CACNA1E: variants seen among roughly 807,000 people sequenced by gnomAD.
CACNA1E encodes the protein calcium voltage-gated channel subunit alpha1 E.
A neutral mutation model predicts 259.2 loss-of-function variants in CACNA1E; 40 were observed. The observed-to-expected ratio is 0.15, with a 90% confidence interval of 0.12 to 0.20. CACNA1E has a LOEUF of 0.20. Ranked by LOEUF, CACNA1E falls within the 10% of genes least tolerant of loss-of-function variation. The probability of loss-of-function intolerance (pLI) is 1.00; values close to 1 mark genes in which losing one functional copy is unlikely to be tolerated. For synonymous variants in CACNA1E, 1,104 were observed against 1,138.5 expected, an observed-to-expected ratio of 0.97 and a Z score of 0.61; for missense variants, 1,874 against 3,040.1, an observed-to-expected ratio of 0.62 and a Z score of 9.02.
chr1:181,321,320 G>T lies in CACNA1E; in HGVS notation c.-15+3197G>T, dbSNP rs549968490. Among the ~76,000 whole-genome samples, 3 of 152,280 alleles carry T rather than the reference G, an allele frequency of 2.0e-5. No individual in the cohort carries two copies. The South Asian group carries it at 6.2e-4, about 32-fold the overall frequency. On this transcript the variant is annotated intron_variant, in intron 1 of 11. Coordinates refer to the CACNA1E transcript ENST00000524607. ...CTGGCAACCTAGATCTCACCACAGGGATCTCACCTCTGGATCCCAGTCCAG... is the reference window on the plus strand; with the variant it reads ...CTGGCAACCTAGATCTCACCACAGGTATCTCACCTCTGGATCCCAGTCCAG...
At chr1:181,770,543 T>C (rs1007641953) in intron 35 of CACNA1E, among the ~76,000 whole-genome samples, 2 of 152,238 alleles carry the variant, frequency 1.3e-5, no homozygotes, top group African/African-American at 4.8e-5. Context: ...TTTTCTGTTT[T>C]CCTTTTCAAA....
At chr1:181,464,402 C>A (rs1230728573) in intron 2 of CACNA1E, among the ~76,000 whole-genome samples, 1 of 151,822 alleles carries the variant, frequency 6.6e-6, no homozygotes, top group Non-Finnish European at 1.5e-5. Context: ...CTTAAAGTCC[C>A]TCAAGAGAGT....
intron 1 of CACNA1E, among the ~76,000 whole-genome samples, chr1:181,331,341 G>C (rs1189795657): frequency 6.6e-6 from 1 of 152,144 alleles, no homozygotes; most frequent in Non-Finnish European, 1.5e-5. Flanking sequence ...TTGTAAGCTG[G>C]GAACCCTGAG....
chr1:181,390,302 C>CTTATTTATTTATTTATTTATTTAT (rs58239460), intron 1 of CACNA1E, among the ~76,000 whole-genome samples: 4 of 137,554 alleles, frequency 2.9e-5, no homozygotes, highest in African/African-American at 1.1e-4. Context: ...GAGGAGACAC[C>CTTATTTATTTATTTATTTATTTAT]TTATTTATTT....
chr1:181,643,157 G>A (rs1657953478), intron 6 of CACNA1E, among the ~76,000 whole-genome samples: 1 of 152,132 alleles, frequency 6.6e-6, no homozygotes, highest in African/African-American at 2.4e-5. Context: ...GAGATTTTCA[G>A]TCATGCACAA....
At chr1:181,582,794 C>CA (rs1651669465) in intron 6 of CACNA1E, among the ~76,000 whole-genome samples, 1 of 152,172 alleles carries the variant, frequency 6.6e-6, no homozygotes, top group African/African-American at 2.4e-5. Context: ...CCTCTCTCCC[C>CA]AGTTACCTGT....
chr1:181,442,910 T>C (rs1660588859), intron 2 of CACNA1E, among the ~76,000 whole-genome samples: 1 of 152,180 alleles, frequency 6.6e-6, no homozygotes, highest in South Asian at 2.1e-4. Context: ...AGTCTATCTC[T>C]GCAGACCAGC....
intron 1 of CACNA1E, among the ~76,000 whole-genome samples, chr1:181,398,396 A>C (rs1241460246): frequency 6.6e-6 from 1 of 152,236 alleles, no homozygotes; most frequent in Non-Finnish European, 1.5e-5. Flanking sequence ...TAGGAAGTGC[A>C]TGCTCACACT....
intron 25 of CACNA1E, among the ~76,000 whole-genome samples, chr1:181,741,171 A>G (rs1217366792): frequency 6.6e-6 from 1 of 152,158 alleles, no homozygotes; most frequent in Non-Finnish European, 1.5e-5. Context: ...ATAGGAAAGA[A>G]CCCACCCCAT....
At chr1:181,371,061 C>T (rs771508419) in intron 1 of CACNA1E, among the ~76,000 whole-genome samples, 7 of 152,066 alleles carry the variant, frequency 4.6e-5, no homozygotes, top group African/African-American at 7.2e-5. Context: ...GTTGGCTGCA[C>T]GTATGTCTTC....
At chr1:181,553,847 A>T (rs1558120574) in intron 3 of CACNA1E, among the ~76,000 whole-genome samples, 1 of 152,174 alleles carries the variant, frequency 6.6e-6, no homozygotes, top group East Asian at 1.9e-4. Context: ...TCCCAGGGAT[A>T]AAGCCGACTT....
chr1:181,617,549 T>G (rs1165813256), intron 6 of CACNA1E, among the ~76,000 whole-genome samples: 1 of 152,186 alleles, frequency 6.6e-6, no homozygotes, highest in Non-Finnish European at 1.5e-5. Context: ...ATTTAGCCAG[T>G]CTTCATGCTT....
intron 47 of CACNA1E, among the ~76,000 whole-genome samples, chr1:181,797,418 T>G (rs1475569844): frequency 6.6e-6 from 1 of 152,174 alleles, no homozygotes; most frequent in Non-Finnish European, 1.5e-5. Flanking sequence ...GTCATGGCAT[T>G]TTGACCCATA....
intron 2 of CACNA1E, among the ~76,000 whole-genome samples, chr1:181,465,248 A>AT (rs567155709): frequency 6.5e-4 from 99 of 151,950 alleles, no homozygotes; most frequent in African/African-American, 2.3e-3. Flanking sequence ...TGCTTTTAAG[A>AT]TTTTTTCCTT....
intron 25 of CACNA1E, among the ~76,000 whole-genome samples, chr1:181,748,675 G>A (rs905981760): frequency 1.8e-4 from 27 of 152,202 alleles, no homozygotes; most frequent in African/African-American, 6.3e-4. Context: ...ATGTAGCCTG[G>A]GGAAAGGGAA....
chr1:181,523,301 C>T (rs1273209368), intron 3 of CACNA1E, among the ~76,000 whole-genome samples: 2 of 152,238 alleles, frequency 1.3e-5, no homozygotes, highest in Non-Finnish European at 2.9e-5. Context: ...AAGTCACCTA[C>T]AAGCACTGGC....
chr1:181,717,049 C>T (rs765210836), intron 10 of CACNA1E, 44 bp from the exon 11 acceptor site: 10 of 1,552,624 alleles, frequency 6.4e-6, no homozygotes, highest in Admixed American at 5.0e-5. Flanking sequence ...GCCCGGACCA[C>T]AGGATATTTT....
chr1:181,614,516 G>T (rs1655034743), intron 6 of CACNA1E, among the ~76,000 whole-genome samples: 1 of 152,212 alleles, frequency 6.6e-6, no homozygotes, highest in South Asian at 2.1e-4. Context: ...CTCACTCAGA[G>T]ATGATTATTG....
intron 7 of CACNA1E, among the ~76,000 whole-genome samples, chr1:181,660,494 A>T (rs536279040): frequency 2.9e-4 from 44 of 152,300 alleles, no homozygotes; most frequent in African/African-American, 1.1e-3. Context: ...TTGGGTTCCT[A>T]CTATCTTGCA....
Sources: gnomAD v4.1 joint callset for allele counts (sites outside exome capture counted in the v4.1 genomes callset) on GRCh38, gnomAD v4.1.1 for gene constraint, MANE v1.5 for transcripts, NCBI Gene and HGNC (gene_info 2026-07-23, HGNC 2026-07-21) for gene names.